The following CLEC20A variants were observed in gnomAD, a reference collection of about 807,000 sequenced individuals.
CLEC20A encodes the protein C-type lectin domain containing 20A.
At chr1:178,479,613 G>A in exon 8 of CLEC20A, 1 of 398,400 alleles carries the variant, frequency 2.5e-6, no homozygotes, top group Non-Finnish European at 4.4e-6. Context: ...AGACTTCCTG[G>A]ATCTGAAACA....
At chr1:178,493,210 G>A (rs905277569) in intron 2 of CLEC20A, among the ~76,000 whole-genome samples, 6 of 152,084 alleles carry the variant, frequency 3.9e-5, no homozygotes, top group Non-Finnish European at 8.8e-5. Flanking sequence ...AACGCCATAC[G>A]CACACCCCTC....
At chr1:178,499,469 T>G (rs6675394), upstream of CLEC20A, 35,381 of 151,986 alleles carry the variant, frequency 0.23, 6,548 homozygotes, top group African/African-American at 0.52. Context: ...TCAGCTGCCA[T>G]CGCGGCCAGA....
At chr1:178,483,197 T>C in exon 6 of CLEC20A, 1 of 398,672 alleles carries the variant, frequency 2.5e-6, no homozygotes. Flanking sequence ...CTGATGTTTT[T>C]TCTTTAGATT....
chr1:178,493,347 C>A (rs1572159603), intron 2 of CLEC20A: 4 of 152,634 alleles, frequency 2.6e-5, no homozygotes, highest in Admixed American at 2.6e-4. Flanking sequence ...GGGCAGGCAC[C>A]ACGTGGCCAT....
chr1:178,497,634 A>C (rs6666248), upstream of CLEC20A, among the ~76,000 whole-genome samples: 79,686 of 152,058 alleles, frequency 0.52, 21,780 homozygotes, highest in African/African-American at 0.68. Flanking sequence ...AAAAACGAAC[A>C]ATGTCTCCCT....
intron 5 of CLEC20A, among the ~76,000 whole-genome samples, chr1:178,485,379 A>G (rs932511725): frequency 6.6e-6 from 1 of 151,962 alleles, no homozygotes; most frequent in Non-Finnish European, 1.5e-5. Flanking sequence ...CTTCCCCACT[A>G]TGTGGCCTAC....
chr1:178,486,010 A>G (rs1428664041), intron 5 of CLEC20A, among the ~76,000 whole-genome samples: 1 of 152,220 alleles, frequency 6.6e-6, no homozygotes. Context: ...AGGCACTGAG[A>G]GATGAGAAAA....
chr1:178,483,340 GA>G, intron 5 of CLEC20A, 58 bp from the exon 6 acceptor site: 1 of 398,298 alleles, frequency 2.5e-6, no homozygotes, highest in East Asian at 3.6e-5. Context: ...AAGGTGGCCT[GA>G]TATTGGTGAC....
chr1:178,490,488 C>T, intron 3 of CLEC20A, 51 bp from the exon 4 acceptor site: 1 of 398,416 alleles, frequency 2.5e-6, no homozygotes. Context: ...GGGTCTCTGA[C>T]AGCCCAGCCT....
At chr1:178,494,709 C>T (rs74870748) in exon 2 of CLEC20A, 266 of 399,296 alleles carry the variant, frequency 6.7e-4, no homozygotes, top group African/African-American at 4.8e-3. Context: ...TGCAGGTCAG[C>T]GAGGTCTGTG....
intron 1 of CLEC20A, 166 bp downstream of exon 1, chr1:178,496,734 C>G (rs1272383124): frequency 5.0e-6 from 2 of 397,618 alleles, no homozygotes; most frequent in Non-Finnish European, 8.9e-6. Flanking sequence ...GAGGGCGAAG[C>G]TCCCTTCCCA....
At chr1:178,486,622 G>C (rs113722480) in intron 5 of CLEC20A, 3 of 398,702 alleles carry the variant, frequency 7.5e-6, no homozygotes, top group Admixed American at 4.4e-5. Flanking sequence ...GCTGGATGTG[G>C]CAGACCCAGG....
At chr1:178,487,689 G>A (rs1171124911) in intron 5 of CLEC20A, among the ~76,000 whole-genome samples, 6 of 152,166 alleles carry the variant, frequency 3.9e-5, no homozygotes, top group Admixed American at 1.3e-4. Flanking sequence ...TTCCCTTTTC[G>A]TTGTGTCCCC....
chr1:178,494,458 G>A (rs1360972516), exon 2 of CLEC20A: 2 of 399,942 alleles, frequency 5.0e-6, no homozygotes, highest in Non-Finnish European at 8.8e-6. Context: ...ACACACCACA[G>A]TAGCAGAGGA....
intron 5 of CLEC20A, among the ~76,000 whole-genome samples, chr1:178,485,598 G>A (rs1002826425): frequency 1.3e-5 from 2 of 152,322 alleles, no homozygotes; most frequent in African/African-American, 4.8e-5. Flanking sequence ...TCACACTTCT[G>A]GTGCAGCATT....
intron 5 of CLEC20A, among the ~76,000 whole-genome samples, chr1:178,485,882 G>A (rs1160392726): frequency 6.6e-6 from 1 of 152,150 alleles, no homozygotes; most frequent in Non-Finnish European, 1.5e-5. Flanking sequence ...ATGAGAATGA[G>A]GCCAGCTCCA....
intron 5 of CLEC20A, among the ~76,000 whole-genome samples, chr1:178,487,778 T>C (rs1448437461): frequency 2.0e-5 from 3 of 152,240 alleles, no homozygotes; most frequent in Non-Finnish European, 4.4e-5. Context: ...AACGAGGCTC[T>C]GCTCGACCTT....
At chr1:178,488,220 T>C (rs1289272699) in intron 5 of CLEC20A, among the ~76,000 whole-genome samples, 2 of 152,154 alleles carry the variant, frequency 1.3e-5, no homozygotes, top group South Asian at 2.1e-4. Context: ...CTCTCCTGGG[T>C]CTCCTGGCCC....
At chr1:178,478,969 A>G (rs1648863276), downstream of CLEC20A, 1 of 152,238 alleles carries the variant, frequency 6.6e-6, no homozygotes, top group Admixed American at 6.5e-5. Flanking sequence ...TTCTTCTAAA[A>G]ATATATTTTA....
Sources: gnomAD v4.1 joint callset for allele counts (sites outside exome capture counted in the v4.1 genomes callset) on GRCh38, gnomAD v4.1.1 for gene constraint, MANE v1.5 for transcripts, NCBI Gene and HGNC (gene_info 2026-07-23, HGNC 2026-07-21) for gene names.